DCAF6: variants seen among roughly 807,000 people sequenced by gnomAD.
DCAF6 encodes DDB1- and CUL4-associated factor 6.
A neutral mutation model predicts 125.1 loss-of-function variants in DCAF6; 54 were observed. That is an observed-to-expected ratio of 0.43 (90% confidence interval 0.35 to 0.54). The LOEUF (loss-of-function observed/expected upper bound fraction) is 0.54. Ranked by LOEUF, DCAF6 falls within the 20% of genes least tolerant of loss-of-function variation. The pLI is 0.01. For missense variants in DCAF6, 934 were observed against 1,161.7 expected (o/e 0.80, Z 2.85); for synonymous variants, 371 against 390.4 (o/e 0.95, Z 0.58).
At chr1:167,882,025 A>G in the DCAF6 span, among the ~76,000 whole-genome samples, 2 of 152,216 alleles carry the variant, frequency 1.3e-5, no homozygotes, top group African/African-American at 2.4e-5. Flanking sequence ...TTCGTCTTCT[A>G]TGAAATGCTC....
the DCAF6 span, among the ~76,000 whole-genome samples, chr1:167,915,977 A>AACTT: frequency 1.1e-4 from 16 of 152,198 alleles, no homozygotes; most frequent in African/African-American, 3.9e-4. Flanking sequence ...TGAGAAAGAA[A>AACTT]ACTTACATAG....
chr1:167,937,001 C>T lies in DCAF6; in HGVS notation c.90C>T (p.Arg30=). The T allele has an allele frequency of 2.5e-6, 4 of 1,609,284 alleles. No homozygotes were observed. Among genetic ancestry groups the T allele is most frequent in the African/African-American group, 1.3e-5 (1 of 74,998 alleles). Residue 30 remains arginine (R), a synonymous_variant, in exon 1 of 22, where the codon CGC becomes CGT. Transcript: ENST00000367840. Reference sequence around the variant, plus strand: ...AGGACCCGTCCCGGCTGCGGAGTCGCTACCTGGGTGAGCGGGGGCCCCGGG... The same window carrying T: ...AGGACCCGTCCCGGCTGCGGAGTCGTTACCTGGGTGAGCGGGGGCCCCGGG... The part of the protein sequence containing the change: ...GLEDPSRLRS[R]YLGRREFIQR...
Position 168,045,221 on chromosome 1 carries a change from G to C in DCAF6, c.2252G>C (p.Gly751Ala). The C allele has an allele frequency of 6.3e-7, 1 of 1,585,794 alleles. No individual in the cohort carries two copies. The highest frequency in any genetic ancestry group is 8.6e-7 in the Non-Finnish European group (1 of 1,168,512). Residue 751 changes from glycine to alanine, a missense_variant, in exon 16 of 22, where the codon GGT becomes GCT. By Grantham distance (60) the Gly-to-Ala change is moderately conservative. Around this residue, in one of 5 missense-constraint regions of DCAF6, gnomAD observed 559 missense variants for 635.5 expected, o/e 0.88. Coordinates refer to ENST00000367840, the MANE Select transcript of DCAF6 (RefSeq NM_001198956.2). ...IPGARYRAGP[G>A]DRFNIRGTTI... ...GGTGCAAGGTATCGAGCAGGACCTGGTGATAGGTTGGTAAATTTTTAATTA... is the reference window on the plus strand; with the variant it reads ...GGTGCAAGGTATCGAGCAGGACCTGCTGATAGGTTGGTAAATTTTTAATTA...
chr1:167,888,875 CAAAAAAAAAA>C, the DCAF6 span, among the ~76,000 whole-genome samples: 19 of 94,168 alleles, frequency 2.0e-4, no homozygotes, highest in African/African-American at 8.0e-4. Flanking sequence ...GACTCCGTCT[CAAAAAAAAAA>C]AAAAAGAAAA....
chr1:168,028,472 AC>A (rs1686631396), intron 12 of DCAF6, among the ~76,000 whole-genome samples: 1 of 152,198 alleles, frequency 6.6e-6, no homozygotes, highest in African/African-American at 2.4e-5. Context: ...TTTGAAACTT[AC>A]GTCTGTAGGC....
At chr1:167,907,089 C>G in the DCAF6 span, among the ~76,000 whole-genome samples, 1 of 152,150 alleles carries the variant, frequency 6.6e-6, no homozygotes, top group African/African-American at 2.4e-5. Context: ...TAAATAAATT[C>G]TAGCTAGTCC....
In DCAF6 at chr1:168,050,900, T is replaced by C. The variant is rs1385252819; in HGVS notation, c.2267T>C (p.Ile756Thr). The change falls in exon 17 of 22, where the codon ATC (isoleucine) becomes ACC (threonine). Residue 756 changes from isoleucine to threonine, a missense_variant. Ile to Thr is a moderately conservative substitution (Grantham distance 89). Transcript: ENST00000367840. The stretch of plus-strand genomic sequence containing the variant: ...TGTGTTCCCTTCACTAGATTTAATA[T>C]CAGAGGAACAACAATAGGTGATAGA... ...YRAGPGDRFN[I>T]RGTTIGDRIM... 1 of 1,380,062 alleles carries C rather than the reference T, an allele frequency of 7.2e-7. No individual in the cohort carries two copies. Among genetic ancestry groups the C allele is most frequent in the Non-Finnish European group, 9.6e-7 (1 of 1,042,632 alleles). The allele number at this position is 1,380,062 out of a possible 1,614,324, so 85.5% of individuals were successfully genotyped here. A position where few individuals can be genotyped will look rare whatever the true frequency, so the allele number is the denominator to read the frequency against.
chr1:168,061,228 AATGTATGT>A (rs1691554072), intron 17 of DCAF6, among the ~76,000 whole-genome samples: 1 of 152,216 alleles, frequency 6.6e-6, no homozygotes, highest in Non-Finnish European at 1.5e-5. Flanking sequence ...CTAACTTAAA[AATGTATGT>A]GGAGATTCCT....
chr1:168,068,464 G>A lies in DCAF6; in HGVS notation c.2791+1G>A. On this transcript the variant is annotated splice_donor_variant, in intron 21 of 21. Transcript: ENST00000367840. LOFTEE classifies it high-confidence loss of function. Reference sequence around the variant, plus strand: ...GCTTCACTTAATCATATCCGAGCTGGTAGGAACTTTAAGTATACTACTAAA... The same window carrying A: ...GCTTCACTTAATCATATCCGAGCTGATAGGAACTTTAAGTATACTACTAAA... 6.8e-7 allele frequency: 1 copy of A among 1,468,122 alleles called. No individual in the cohort carries two copies. The highest frequency in any genetic ancestry group is 9.1e-7 in the Non-Finnish European group (1 of 1,101,716). 90.9% of individuals were successfully genotyped at this position (1,468,122 alleles called of 1,614,324 possible).
chr1:167,966,533 T>C lies in DCAF6; in HGVS notation c.160-96T>C. On this transcript the variant is annotated intron_variant, in intron 2 of 21. Transcript: ENST00000367840. The stretch of plus-strand genomic sequence containing the variant: ...AAATACTTTTTAACGTATAACCTCA[T>C]TAGTGGTAAAAATTTTGTACCGCCA... 12 of 784,886 alleles carry C rather than the reference T, an allele frequency of 1.5e-5. No homozygotes were observed. In the South Asian group the frequency reaches 1.7e-4, roughly 11 times the overall value. 48.6% of individuals were successfully genotyped at this position (784,886 alleles called of 1,614,324 possible).
At chr1:167,974,593 T>C (rs886698985) in intron 3 of DCAF6, among the ~76,000 whole-genome samples, 1 of 152,170 alleles carries the variant, frequency 6.6e-6, no homozygotes, top group African/African-American at 2.4e-5. Context: ...ATGCATGTTT[T>C]ATTTTCATGA....
chr1:167,904,163 C>T, the DCAF6 span, among the ~76,000 whole-genome samples: 16 of 148,638 alleles, frequency 1.1e-4, no homozygotes, highest in African/African-American at 4.0e-4. Context: ...TCTCAGCTCA[C>T]TGCAACCTCC....
chr1:167,963,377 T>G (rs184507442), intron 2 of DCAF6, among the ~76,000 whole-genome samples: 99 of 152,160 alleles, frequency 6.5e-4, no homozygotes, highest in East Asian at 5.8e-4. Flanking sequence ...CTTTTTGTCT[T>G]TGTTCCTTGT....
chr1:168,056,280 A>C, intron 17 of DCAF6: 1 of 1,610,184 alleles, frequency 6.2e-7, no homozygotes, highest in Non-Finnish European at 8.5e-7. Flanking sequence ...ACGCACCGAG[A>C]GCAGAGCGGG....
chr1:168,033,366 A>G, intron 12 of DCAF6, among the ~76,000 whole-genome samples: 1 of 135,226 alleles, frequency 7.4e-6, no homozygotes, highest in Non-Finnish European at 1.5e-5. Flanking sequence ...CGGACTGCGG[A>G]CTGCAGTGGC....
intron 17 of DCAF6, among the ~76,000 whole-genome samples, chr1:168,055,160 T>A (rs1387988567): frequency 6.6e-6 from 1 of 152,166 alleles, no homozygotes; most frequent in South Asian, 2.1e-4. Context: ...ATACCCACAG[T>A]AACTTTGATT....
the DCAF6 span, chr1:167,904,813 TGAGA>T: frequency 8.0e-6 from 6 of 751,116 alleles, no homozygotes; most frequent in Non-Finnish European, 2.3e-6. Flanking sequence ...TAAGGGAGGA[TGAGA>T]GAGAGCCAGG....
intron 11 of DCAF6, among the ~76,000 whole-genome samples, chr1:168,022,652 A>G (rs1685808644): frequency 6.7e-6 from 1 of 148,698 alleles, no homozygotes; most frequent in African/African-American, 2.6e-5. Flanking sequence ...AGGGAGTTTG[A>G]GAAGGGCAAG....
chr1:168,029,563 C>A (rs1396159737), intron 12 of DCAF6, among the ~76,000 whole-genome samples: 1 of 152,096 alleles, frequency 6.6e-6, no homozygotes, highest in Non-Finnish European at 1.5e-5. Flanking sequence ...TTCTTTGTAC[C>A]AAACATTGCT....
Sources: gnomAD v4.1 joint callset for allele counts (sites outside exome capture counted in the v4.1 genomes callset) on GRCh38, gnomAD v4.1.1 for gene constraint, gnomAD v4.1.1 regional missense constraint, MANE v1.5 for transcripts, NCBI Gene and HGNC (gene_info 2026-07-23, HGNC 2026-07-21) for gene names.